The following COL4A3 variants were observed in gnomAD, a reference collection of about 807,000 sequenced individuals.
COL4A3 encodes collagen alpha-3(IV) chain.
A neutral mutation model predicts 217.4 loss-of-function variants in COL4A3; 135 were observed. That is an observed-to-expected ratio of 0.62 (90% CI 0.54 to 0.72). The LOEUF (loss-of-function observed/expected upper bound fraction) is 0.72, where lower values mean the gene tolerates loss of function less well. COL4A3 is among the 30% of genes least tolerant of loss of function. The pLI, the probability that COL4A3 is intolerant of heterozygous loss-of-function variation, is 0.00. For synonymous variants in COL4A3, 690 were observed against 736.3 expected (o/e 0.94, Z 1.02); for missense variants, 1,868 against 2,119.9 (o/e 0.88, Z 2.33).
intron 43 of COL4A3, among the ~76,000 whole-genome samples, 194 bp downstream of exon 43, chr2:227,299,006 A>G (rs1166428936): frequency 6.6e-6 from 1 of 152,144 alleles, no homozygotes; most frequent in Non-Finnish European, 1.5e-5. Context: ...ATGGCTGGGG[A>G]GACCTCAAGA....
chr2:227,164,780 G>T lies in COL4A3; in HGVS notation c.54G>T (p.Leu18=). ...RPQVLLLPLL[L]VLLAAAPAAS... ...AGGTGCTCCTGCTGCCGCTCCTGCTGGTGCTCCTGGCGGCGGCGCCCGCAG... is the reference window on the plus strand; with the variant it reads ...AGGTGCTCCTGCTGCCGCTCCTGCTTGTGCTCCTGGCGGCGGCGCCCGCAG... The change falls in exon 1 of 52, where the codon CTG becomes CTT. Residue 18 remains leucine, a synonymous_variant. Transcript: ENST00000396578. The surrounding 1 kb of genome is among the most constrained non-coding windows in gnomAD (Gnocchi z 4.8). 1 of 1,521,646 alleles carries T rather than the reference G, an allele frequency of 6.6e-7. No individual in the cohort carries two copies. Among genetic ancestry groups the T allele is most frequent in the South Asian group, 1.2e-5 (1 of 82,870 alleles). 94.3% of individuals were successfully genotyped at this position (1,521,646 alleles called of 1,614,324 possible). A position where few individuals can be genotyped will look rare whatever the true frequency, so the allele number is the denominator to read the frequency against.
At chr2:227,273,255 A>C in intron 26 of COL4A3, 138 bp downstream of exon 26, 1 of 947,790 alleles carries the variant, frequency 1.1e-6, no homozygotes, top group Non-Finnish European at 1.6e-6. Flanking sequence ...CACAGATACC[A>C]GGAAAGAATA....
chr2:227,188,468 TC>T (rs1447573346), intron 1 of COL4A3, among the ~76,000 whole-genome samples: 7 of 151,750 alleles, frequency 4.6e-5, no homozygotes, highest in Admixed American at 2.0e-4. Flanking sequence ...GAGAGGGATA[TC>T]CGGTCAGGTC....
chr2:227,216,249 A>T (rs1401483477), intron 1 of COL4A3, among the ~76,000 whole-genome samples: 1 of 152,240 alleles, frequency 6.6e-6, no homozygotes, highest in African/African-American at 2.4e-5. Flanking sequence ...CCACAATTAA[A>T]TTTTTTAAAA....
chr2:227,279,767 C>T, intron 28 of COL4A3, 26 bp from the exon 29 acceptor site: 2 of 1,483,812 alleles, frequency 1.3e-6, no homozygotes, highest in Non-Finnish European at 1.9e-6. Context: ...AATCCTACAA[C>T]AATGTTTATT....
chr2:227,212,011 A>G (rs1357605525), intron 1 of COL4A3, among the ~76,000 whole-genome samples: 1 of 152,152 alleles, frequency 6.6e-6, no homozygotes, highest in African/African-American at 2.4e-5. Flanking sequence ...AGCTTTTGCC[A>G]AAATGATGTG....
intron 37 of COL4A3, among the ~76,000 whole-genome samples, chr2:227,292,563 A>G (rs2072806202): frequency 6.6e-6 from 1 of 152,224 alleles, no homozygotes; most frequent in South Asian, 2.1e-4. Flanking sequence ...TACCATAGAA[A>G]TTTTGTAAAT....
intron 43 of COL4A3, among the ~76,000 whole-genome samples, chr2:227,299,066 G>C (rs1387931375): frequency 6.6e-6 from 1 of 152,162 alleles, no homozygotes; most frequent in Non-Finnish European, 1.5e-5. Flanking sequence ...ACAGGAGAGA[G>C]AATGAGTGCC....
At position 227,283,793 on chromosome 2, in the gene COL4A3, G is replaced by C; in HGVS notation, c.2683G>C (p.Gly895Arg). The change falls in exon 33 of 52, where the codon GGC becomes CGC. Residue 895 changes from glycine to arginine, a missense_variant. Physicochemically the swap from Gly to Arg is moderately radical, Grantham distance 125 (BLOSUM62 -2). Coordinates refer to ENST00000396578, the MANE Select transcript of COL4A3 (RefSeq NM_000091.5). ...PGEDGVIGMM[G>R]FPGAIGPPGP... The stretch of plus-strand genomic sequence containing the variant: ...TGAAGATGGAGTGATTGGGATGATG[G>C]GCTTTCCTGGAGCCATTGGCCCTCC... 6.2e-7 allele frequency: 1 copy of C among 1,614,154 alleles called. No individual in the cohort carries two copies. Among genetic ancestry groups the C allele is most frequent in the Non-Finnish European group, 8.5e-7 (1 of 1,179,998 alleles).
rs753413311 is a variant in COL4A3, at chr2:227,251,196, A to T, written c.603A>T (p.Gly201=). Residue 201 remains glycine, a synonymous_variant, in exon 10 of 52, where the codon GGA becomes GGT. Transcript: ENST00000396578. Reference sequence around the variant, plus strand: ...CTGTTGGCCCACCTGGTCCTCCGGGATTCTTTGTGAGTATCAAGTCATCCT... The same window carrying T: ...CTGTTGGCCCACCTGGTCCTCCGGGTTTCTTTGTGAGTATCAAGTCATCCT... ...PGPVGPPGPP[G]FFGFPGAMGP... is the part of the protein sequence containing the mutation. 1.8e-5 allele frequency: 29 copies of T among 1,613,220 alleles called. No homozygotes were observed.
chr2:227,294,390 G>T (rs2072928662), intron 38 of COL4A3, 100 bp from the exon 39 acceptor site: 1 of 858,984 alleles, frequency 1.2e-6, no homozygotes. Flanking sequence ...TAAGGCCAGC[G>T]TGAGCATGGT....
At chr2:227,186,947 G>C (rs1673845631) in intron 1 of COL4A3, among the ~76,000 whole-genome samples, 1 of 152,182 alleles carries the variant, frequency 6.6e-6, no homozygotes, top group African/African-American at 2.4e-5. Flanking sequence ...TCACGTGGTG[G>C]AAGGAGTGAG....
At chr2:227,238,883 T>A (rs2068852130) in intron 2 of COL4A3, among the ~76,000 whole-genome samples, 1 of 152,232 alleles carries the variant, frequency 6.6e-6, no homozygotes, top group African/African-American at 2.4e-5. Flanking sequence ...GTGATTCTCC[T>A]TGCATTCAAG....
At chr2:227,307,035 G>A (rs2073533808) in intron 47 of COL4A3, among the ~76,000 whole-genome samples, 1 of 152,170 alleles carries the variant, frequency 6.6e-6, no homozygotes. Flanking sequence ...AACACGACAA[G>A]TGTGGATTAG....
intron 5 of COL4A3, 24 bp downstream of exon 5, chr2:227,245,019 G>A: frequency 6.2e-7 from 1 of 1,607,588 alleles, no homozygotes; most frequent in Non-Finnish European, 8.5e-7. Flanking sequence ...AAAATCCGTA[G>A]CTAGAAAATT....
chr2:227,197,130 C>T (rs1259090165), intron 1 of COL4A3, among the ~76,000 whole-genome samples: 5 of 152,192 alleles, frequency 3.3e-5, no homozygotes, highest in Non-Finnish European at 5.9e-5. Context: ...TCCCCAGCCA[C>T]CTGGAACTGT....
chr2:227,193,707 G>A (rs2066329899), intron 1 of COL4A3, among the ~76,000 whole-genome samples: 2 of 127,920 alleles, frequency 1.6e-5, no homozygotes, highest in African/African-American at 5.8e-5. Flanking sequence ...TGAGGCAAAA[G>A]AAGAAAAAAG....
At chr2:227,229,172 G>A (rs534386600) in intron 1 of COL4A3, among the ~76,000 whole-genome samples, 269 of 152,284 alleles carry the variant, frequency 1.8e-3, no homozygotes, top group Non-Finnish European at 3.1e-3. Context: ...CGGGCACTGC[G>A]AGAATTGAGA....
chr2:227,236,362 A>T (rs2068697990), intron 1 of COL4A3, among the ~76,000 whole-genome samples: 1 of 152,230 alleles, frequency 6.6e-6, no homozygotes, highest in African/African-American at 2.4e-5. Flanking sequence ...TCCTGGAATG[A>T]CAGCAAGGCC....
Sources: gnomAD v4.1 joint callset for allele counts (sites outside exome capture counted in the v4.1 genomes callset) on GRCh38, gnomAD v4.1.1 for gene constraint, Gnocchi (gnomAD v3.1) non-coding constraint, MANE v1.5 for transcripts, NCBI Gene and HGNC (gene_info 2026-07-23, HGNC 2026-07-21) for gene names.